The following TOP3B variants were observed in gnomAD, a reference collection of about 807,000 sequenced individuals.
TOP3B encodes the protein DNA topoisomerase 3-beta-1.
A neutral mutation model predicts 93.9 loss-of-function variants in TOP3B; 45 were observed. That is an observed-to-expected ratio of 0.48 (90% CI 0.38 to 0.61). The LOEUF is 0.61. Ranked by LOEUF, TOP3B falls within the 20% of genes least tolerant of loss-of-function variation. TOP3B has a pLI of 0.00. For missense variants in TOP3B, 750 were observed against 1,156.1 expected, an observed-to-expected ratio of 0.65 and a Z score of 5.09; for synonymous variants, 357 against 472.6, an observed-to-expected ratio of 0.76 and a Z score of 3.17.
chr22:21,959,864 A>C (rs1601811919), intron 14 of TOP3B, 128 bp from the exon 15 acceptor site: 5 of 1,289,100 alleles, frequency 3.9e-6, no homozygotes, highest in Non-Finnish European at 5.3e-6. Context: ...CCTCTGCCCT[A>C]CCCACCAGTC....
intron 17 of TOP3B, chr22:21,958,139 G>A (rs2145822957): frequency 8.0e-7 from 1 of 1,257,650 alleles, no homozygotes; most frequent in Non-Finnish European, 1.0e-6. Context: ...ACGAGGATGA[G>A]GATGGAGGAC....
intron 9 of TOP3B, chr22:21,964,994 T>C: frequency 3.5e-6 from 1 of 287,596 alleles, no homozygotes; most frequent in Non-Finnish European, 6.4e-6. Flanking sequence ...GAGAAAAGAC[T>C]GAGGAGATGA....
chr22:21,962,394 G>A (rs1383124006), intron 13 of TOP3B, 35 bp downstream of exon 13: 4 of 1,611,938 alleles, frequency 2.5e-6, no homozygotes, highest in Admixed American at 3.3e-5. Flanking sequence ...TACTGGAGAC[G>A]GAGCCGGCTC....
rs565552214 is a variant in TOP3B at position 21,964,789 on chromosome 22, C to T, written c.944-474G>A. On this transcript the variant is annotated intron_variant, in intron 9 of 17. Coordinates refer to ENST00000357179, the MANE Select transcript of TOP3B (RefSeq NM_001282112.2). The stretch of plus-strand genomic sequence containing the variant: ...GGGGGCTCGTCCTGCTACTCCCTGA[C>T]CAGCAGAGGCAGGCGCTTAGCTAGC... 1.1e-4 allele frequency: 20 copies of T among 184,800 alleles called. No homozygotes were observed. In the South Asian group the frequency reaches 2.4e-3, roughly 23 times the overall value. The allele number at this position is 184,800 out of a possible 1,614,324, so 11.4% of individuals were successfully genotyped here.
intron 1 of TOP3B, among the ~76,000 whole-genome samples, chr22:21,981,722 G>A (rs1039396322): frequency 6.6e-6 from 1 of 151,946 alleles, no homozygotes; most frequent in Non-Finnish European, 1.5e-5. Context: ...ACTTGAACCC[G>A]GGGGCGGAGG....
At chr22:21,981,156 T>A (rs1451405516) in intron 1 of TOP3B, among the ~76,000 whole-genome samples, 3 of 152,212 alleles carry the variant, frequency 2.0e-5, no homozygotes, top group Non-Finnish European at 4.4e-5. Context: ...TTTTCTCATG[T>A]CTATGCCACA....
At chr22:21,958,117 C>G in intron 17 of TOP3B, 2 of 1,256,192 alleles carry the variant, frequency 1.6e-6, no homozygotes, top group Admixed American at 2.7e-5. Context: ...GCTCCCTCCT[C>G]CAGTAATGAG....
At chr22:21,962,262 G>A in intron 13 of TOP3B, 167 bp downstream of exon 13, 2 of 1,579,282 alleles carry the variant, frequency 1.3e-6, no homozygotes, top group Non-Finnish European at 1.7e-6. Context: ...GATGCCCGCT[G>A]TGGACCTGCC....
chr22:21,959,011 T>G, intron 16 of TOP3B, 121 bp downstream of exon 16: 1 of 1,447,798 alleles, frequency 6.9e-7, no homozygotes, highest in Non-Finnish European at 9.2e-7. Context: ...CAAGGCCTCT[T>G]TATGTTCCAT....
In TOP3B at chr22:21,970,511, C is replaced by T. The variant is rs888498601; in HGVS notation, c.385-105G>A. The T allele has an allele frequency of 7.3e-6, 9 of 1,239,528 alleles. No individual in the cohort carries two copies. Among genetic ancestry groups the T allele is most frequent in the African/African-American group, 4.5e-5 (3 of 67,076 alleles). 76.8% of individuals were successfully genotyped at this position (1,239,528 alleles called of 1,614,324 possible). A position where few individuals can be genotyped will look rare whatever the true frequency, so the allele number is the denominator to read the frequency against. On this transcript the variant is annotated intron_variant, in intron 5 of 17. Transcript: ENST00000357179. The surrounding 1 kb of genome is among the most constrained non-coding windows in gnomAD (Gnocchi z 4.4). ...CCTTCCAGGAAAGAACACGTGTGCT[C>T]GGCTCCCTCTCCTGCCCCTGCCAGA...
Position 21,959,125 on chromosome 22 carries a change from C to A in TOP3B, c.1905+7G>T, listed in dbSNP as rs1320284472. 1 of 1,613,632 alleles carries A rather than the reference C, an allele frequency of 6.2e-7. No homozygotes were observed. Among genetic ancestry groups the A allele is most frequent in the South Asian group, 1.1e-5 (1 of 91,086 alleles). On this transcript the variant is annotated splice_region_variant and intron_variant, in intron 16 of 17. Transcript: ENST00000357179. ...AGCTTGCCTGAGCTAGTGTTCCCTG[C>A]ACCTACCTGGATGTACTTCATGAAG...
chr22:21,963,120 G>C lies in TOP3B; in HGVS notation c.1205-227C>G, dbSNP rs2071267196. On this transcript the variant is annotated intron_variant, in intron 11 of 17. Transcript: ENST00000357179. This position sits in a 1 kb window ranked among gnomAD's most constrained non-coding sequence, Gnocchi z 4.8. ...AGGCTAAGGTGGATGGATCACTTGAGGTCAGGAGTTTGAGACCAGCCTGGC... is the reference window on the plus strand; with the variant it reads ...AGGCTAAGGTGGATGGATCACTTGACGTCAGGAGTTTGAGACCAGCCTGGC... 2.0e-6 allele frequency: 1 copy of C among 510,800 alleles called. No individual in the cohort carries two copies. Among genetic ancestry groups the C allele is most frequent in the South Asian group, 2.3e-5 (1 of 43,336 alleles). 31.6% of individuals were successfully genotyped at this position (510,800 alleles called of 1,614,324 possible). A position where few individuals can be genotyped will look rare whatever the true frequency, so the allele number is the denominator to read the frequency against.
chr22:21,972,336 G>A (rs935233108), intron 4 of TOP3B: 9 of 468,832 alleles, frequency 1.9e-5, no homozygotes, highest in African/African-American at 1.8e-4. Flanking sequence ...GTATGCATTT[G>A]TTTTAAAATT....
rs199655559 is a variant in TOP3B, at chr22:21,960,456, T to C, written c.1526-7A>G. The C allele has an allele frequency of 4.3e-6, 7 of 1,613,258 alleles. No individual in the cohort carries two copies. The highest frequency in any genetic ancestry group is 1.3e-5 in the African/African-American group (1 of 75,020). ...GGGATGCTGGCATCCGTGCCTGCAA[T>C]GTACAAGGCCCCAGGGTTCCTGGCC... is the stretch of plus-strand genomic sequence containing the variant. On this transcript the variant is annotated splice_polypyrimidine_tract_variant and splice_region_variant and intron_variant, in intron 13 of 17. Transcript: ENST00000357179.
intron 8 of TOP3B, 140 bp downstream of exon 8, chr22:21,967,463 G>A (rs920592244): frequency 1.5e-6 from 1 of 688,566 alleles, no homozygotes. Flanking sequence ...TAACCATTCA[G>A]CTTTCCAAAA....
At chr22:21,982,239 C>T (rs1158302395) in intron 1 of TOP3B, 3 of 152,198 alleles carry the variant, frequency 2.0e-5, no homozygotes, top group Non-Finnish European at 2.9e-5. Context: ...TGGATTCCAG[C>T]TAATTTGTTC....
intron 8 of TOP3B, chr22:21,967,392 G>T: frequency 1.8e-6 from 1 of 565,170 alleles, no homozygotes. Flanking sequence ...GTATGGAGCG[G>T]GCATGCAGTA....
intron 4 of TOP3B, 142 bp downstream of exon 4, chr22:21,972,470 A>G (rs2071679242): frequency 4.8e-6 from 3 of 627,602 alleles, no homozygotes; most frequent in Non-Finnish European, 8.1e-6. Context: ...CTCGTGGGCC[A>G]GCAGGGGGCA....
chr22:21,978,077 T>C (rs1251354386), intron 1 of TOP3B, among the ~76,000 whole-genome samples: 1 of 151,880 alleles, frequency 6.6e-6, no homozygotes, highest in African/African-American at 2.4e-5. Flanking sequence ...CTAGGGGTGC[T>C]GGGAGGCAGC....
Sources: allele counts gnomAD v4.1 joint callset (sites outside exome capture counted in the v4.1 genomes callset), GRCh38; gene constraint gnomAD v4.1.1; non-coding constraint Gnocchi (gnomAD v3.1); transcripts MANE v1.5; gene names NCBI Gene and HGNC (gene_info 2026-07-23, HGNC 2026-07-21).